ADAMTSL1: variants seen among roughly 807,000 people sequenced by gnomAD.
ADAMTSL1 encodes the protein ADAMTS-like protein 1.
In ADAMTSL1, 126 loss-of-function variants were observed where a neutral mutation model predicts 201.8. That is an observed-to-expected ratio of 0.62 (90% confidence interval 0.54 to 0.72). The LOEUF (loss-of-function observed/expected upper bound fraction) is 0.72. ADAMTSL1 is among the 30% of genes least tolerant of loss of function. The pLI is 0.00. For missense variants in ADAMTSL1, 2,679 were observed against 2,277.8 expected (o/e 1.18, Z -3.59); for synonymous variants, 1,121 against 903.4 (o/e 1.24, Z -4.32).
Position 17,990,545 on chromosome 9 carries a change from A to T in ADAMTSL1, c.87+83623A>T, listed in dbSNP as rs139799937. On this transcript the variant is annotated intron_variant, in intron 1 of 29. Transcript: ENST00000680146. ...TAACAGTAGATTTATGTATCGAAATATAAGTCATTGCACTTATTGACCTTA... is the reference window on the plus strand; with the variant it reads ...TAACAGTAGATTTATGTATCGAAATTTAAGTCATTGCACTTATTGACCTTA... Among the ~76,000 whole-genome samples the T allele has an allele frequency of 1.3e-3, 205 of 152,200 alleles. 2 individuals are homozygous for T. The East Asian group carries it at 0.017, about 12-fold the overall frequency.
intron 23 of ADAMTSL1, among the ~76,000 whole-genome samples, chr9:18,836,434 T>C (rs895671060): frequency 3.3e-5 from 5 of 152,174 alleles, no homozygotes; most frequent in Non-Finnish European, 7.4e-5. Context: ...TTTAGTTTGA[T>C]TAGGTCCAAC....
At chr9:18,529,286 T>C (rs1819289555) in intron 2 of ADAMTSL1, among the ~76,000 whole-genome samples, 2 of 152,228 alleles carry the variant, frequency 1.3e-5, no homozygotes, top group Non-Finnish European at 2.9e-5. Context: ...TGAGAAGTAG[T>C]TTATAAACTG....
chr9:18,376,099 T>G (rs142467683), intron 2 of ADAMTSL1, among the ~76,000 whole-genome samples: 6 of 152,358 alleles, frequency 3.9e-5, no homozygotes, highest in Non-Finnish European at 8.8e-5. Context: ...ACCTTTCACT[T>G]CTTCTGTTCC....
At chr9:18,260,908 T>C (rs1042254088) in intron 2 of ADAMTSL1, among the ~76,000 whole-genome samples, 1 of 152,246 alleles carries the variant, frequency 6.6e-6, no homozygotes, top group Middle Eastern at 3.4e-3. Context: ...CTTCTTTTTT[T>C]CCTTTCTCTC....
chr9:18,397,976 A>G (rs1401536674), intron 2 of ADAMTSL1, among the ~76,000 whole-genome samples: 1 of 152,190 alleles, frequency 6.6e-6, no homozygotes, highest in Non-Finnish European at 1.5e-5. Flanking sequence ...TACGTTTTAA[A>G]GACCCCAGGA....
At chr9:18,576,794 A>G (rs1399701829) in intron 4 of ADAMTSL1, among the ~76,000 whole-genome samples, 4 of 152,124 alleles carry the variant, frequency 2.6e-5, no homozygotes, top group African/African-American at 7.2e-5. Flanking sequence ...AATAGCTTCC[A>G]TTTTTGAGTG....
intron 15 of ADAMTSL1, among the ~76,000 whole-genome samples, chr9:18,737,233 C>A (rs929728822): frequency 5.4e-5 from 8 of 147,024 alleles, no homozygotes; most frequent in Non-Finnish European, 7.4e-5. Context: ...GCAGGAGAAC[C>A]ACTTGAACCC....
chr9:18,159,991 T>C lies in ADAMTSL1; in HGVS notation c.88-3871T>C, dbSNP rs183201366. Among the ~76,000 whole-genome samples the C allele has an allele frequency of 7.2e-5, 11 of 152,160 alleles. No individual in the cohort carries two copies. The East Asian group carries it at 2.1e-3, about 30-fold the overall frequency. On this transcript the variant is annotated intron_variant, in intron 1 of 29. Coordinates refer to the ADAMTSL1 transcript ENST00000680146. ...GAAAGTTATTTGATGACTCCCTAATTTCCTATATTTACCTATGTCCCTCTG... is the reference window on the plus strand; with the variant it reads ...GAAAGTTATTTGATGACTCCCTAATCTCCTATATTTACCTATGTCCCTCTG...
intron 5 of ADAMTSL1, among the ~76,000 whole-genome samples, chr9:18,628,306 G>A (rs1197308410): frequency 1.3e-5 from 2 of 152,106 alleles, no homozygotes; most frequent in East Asian, 1.9e-4. Flanking sequence ...TTTTCGTATA[G>A]ACGCCCAATT....
chr9:18,646,096 G>C (rs1827793186), intron 7 of ADAMTSL1, among the ~76,000 whole-genome samples: 2 of 151,698 alleles, frequency 1.3e-5, no homozygotes, highest in Admixed American at 6.6e-5. Flanking sequence ...CCTTGAAGAG[G>C]TCCTTCACAT....
intron 23 of ADAMTSL1, among the ~76,000 whole-genome samples, chr9:18,849,028 C>T (rs1471145464): frequency 1.3e-5 from 2 of 152,204 alleles, no homozygotes. Flanking sequence ...ACCACATAAC[C>T]TCAATGAGTC....
chr9:17,978,266 G>T (rs1167031690), intron 1 of ADAMTSL1, among the ~76,000 whole-genome samples: 1 of 151,942 alleles, frequency 6.6e-6, no homozygotes, highest in Non-Finnish European at 1.5e-5. Flanking sequence ...CTTTTGGTTG[G>T]AAAATTTAAT....
chr9:18,677,298 A>G (rs1370495126), intron 10 of ADAMTSL1, among the ~76,000 whole-genome samples: 5 of 152,074 alleles, frequency 3.3e-5, no homozygotes, highest in Non-Finnish European at 7.4e-5. Flanking sequence ...AAATAGCTTT[A>G]GAATGTTCCT....
intron 2 of ADAMTSL1, among the ~76,000 whole-genome samples, chr9:18,179,334 T>C (rs1301876556): frequency 2.0e-5 from 3 of 152,004 alleles, no homozygotes; most frequent in Admixed American, 6.6e-5. Flanking sequence ...GAAAAAAGAA[T>C]AAAAAGAAAC....
intron 1 of ADAMTSL1, among the ~76,000 whole-genome samples, chr9:18,144,237 G>A (rs1460880726): frequency 6.6e-6 from 1 of 151,572 alleles, no homozygotes; most frequent in African/African-American, 2.4e-5. Flanking sequence ...GAGACCGAGT[G>A]TCCCTCTTGC....
At chr9:18,239,349 C>G in intron 2 of ADAMTSL1, among the ~76,000 whole-genome samples, 1 of 152,196 alleles carries the variant, frequency 6.6e-6, no homozygotes. Context: ...CCTGCTGCTG[C>G]TTTATGAACT....
intron 23 of ADAMTSL1, among the ~76,000 whole-genome samples, chr9:18,843,073 C>G (rs1177012295): frequency 1.3e-5 from 2 of 151,686 alleles, no homozygotes; most frequent in African/African-American, 4.9e-5. Flanking sequence ...CTGATCCTGT[C>G]ATTATGATGT....
rs193285882 is a variant in ADAMTSL1 at position 18,582,857 on chromosome 9, A to G, written c.474+8591A>G. The stretch of plus-strand genomic sequence containing the variant: ...CAACGAGACTCCATCTCAAAATAAA[A>G]TAAAATAAATAAAATAAAATAAAAT... On this transcript the variant is annotated intron_variant, in intron 4 of 28. Coordinates refer to ENST00000380548, the MANE Select transcript of ADAMTSL1 (RefSeq NM_001040272.6). Among the ~76,000 whole-genome samples the G allele has an allele frequency of 5.5e-3, 791 of 144,440 alleles. 12 individuals are homozygous for G. Among genetic ancestry groups the G allele is most frequent in the African/African-American group, 0.02 (734 of 37,598 alleles). 94.8% of individuals were successfully genotyped at this position (144,440 alleles called of 152,430 possible). A position where few individuals can be genotyped will look rare whatever the true frequency, so the allele number is the denominator to read the frequency against.
At chr9:18,890,696 A>C in intron 25 of ADAMTSL1, 1 of 428,920 alleles carries the variant, frequency 2.3e-6, no homozygotes, top group South Asian at 1.7e-5. Flanking sequence ...GAACTGTAAC[A>C]TAGCCTGGCC....
Sources: gnomAD v4.1 joint callset for allele counts (sites outside exome capture counted in the v4.1 genomes callset) on GRCh38, gnomAD v4.1.1 for gene constraint, MANE v1.5 for transcripts, NCBI Gene and HGNC (gene_info 2026-07-23, HGNC 2026-07-21) for gene names.